Variants in NCAM2 observed in about 807,000 individuals in gnomAD.
NCAM2 encodes the protein N-CAM-2.
NCAM2 carries 30 observed loss-of-function variants against 98.1 expected under a neutral mutation model. That is an observed-to-expected ratio of 0.31 (90% CI 0.23 to 0.41). The LOEUF (loss-of-function observed/expected upper bound fraction) is 0.41, where lower values mean the gene tolerates loss of function less well. Ranked by LOEUF, NCAM2 falls within the 10% of genes least tolerant of loss-of-function variation. The probability of loss-of-function intolerance (pLI) is 1.00; values close to 1 mark genes in which losing one functional copy is unlikely to be tolerated. For synonymous variants in NCAM2, 368 were observed against 342.4 expected, an observed-to-expected ratio of 1.07 and a Z score of -0.83; for missense variants, 867 against 1,005.8, an observed-to-expected ratio of 0.86 and a Z score of 1.87.
chr21:21,046,660 A>G (rs1434855302), intron 1 of NCAM2, among the ~76,000 whole-genome samples: 2 of 152,174 alleles, frequency 1.3e-5, no homozygotes, highest in Non-Finnish European at 2.9e-5. Context: ...GCCAGCACCA[A>G]AAACTCCTGT....
chr21:21,114,201 C>A (rs1646352369), intron 1 of NCAM2, among the ~76,000 whole-genome samples: 1 of 152,132 alleles, frequency 6.6e-6, no homozygotes, highest in Non-Finnish European at 1.5e-5. Flanking sequence ...ATATATCACA[C>A]AAGTTTTAGC....
chr21:21,534,249 A>T (rs558665549), intron 16 of NCAM2, among the ~76,000 whole-genome samples: 1 of 152,190 alleles, frequency 6.6e-6, no homozygotes, highest in South Asian at 2.1e-4. Flanking sequence ...TTCAAAATAG[A>T]ATATATACAG....
chr21:21,436,641 A>G (rs1978366490), intron 12 of NCAM2, among the ~76,000 whole-genome samples: 1 of 152,156 alleles, frequency 6.6e-6, no homozygotes, highest in Middle Eastern at 3.2e-3. Context: ...GGTAGAGGGA[A>G]TACTGAAATT....
At chr21:21,231,501 G>A (rs933533379) in intron 1 of NCAM2, among the ~76,000 whole-genome samples, 2 of 151,310 alleles carry the variant, frequency 1.3e-5, no homozygotes, top group African/African-American at 4.8e-5. Context: ...TAGAATTAAT[G>A]CATATTATTA....
intron 1 of NCAM2, among the ~76,000 whole-genome samples, chr21:21,269,419 A>G (rs1478761963): frequency 2.6e-5 from 4 of 152,192 alleles, no homozygotes; most frequent in African/African-American, 9.6e-5. Context: ...GAGTCCATGC[A>G]TGGCTTTTGA....
At chr21:21,476,756 T>G (rs73216070) in intron 14 of NCAM2, among the ~76,000 whole-genome samples, 5,050 of 152,138 alleles carry the variant, frequency 0.033, 151 homozygotes, top group South Asian at 0.14. Flanking sequence ...GTAATTTTGT[T>G]TGTATATTAT....
At position 21,319,200 on chromosome 21, in the gene NCAM2, G is replaced by T. The variant is rs537452003; in HGVS notation, c.620-5183G>T. On this transcript the variant is annotated intron_variant, in intron 5 of 17. Coordinates refer to ENST00000400546, the MANE Select transcript of NCAM2 (RefSeq NM_004540.5). The stretch of plus-strand genomic sequence containing the variant: ...TTACACTGGTGTTTTCAACCAATTT[G>T]GATGGAAAATATTTTTTAAAATAGC... Among the ~76,000 whole-genome samples the T allele has an allele frequency of 7.9e-5, 12 of 152,082 alleles. No homozygotes were observed. The South Asian group carries it at 1.5e-3, about 18-fold the overall frequency.
At chr21:21,414,339 A>G (rs1172166088) in intron 10 of NCAM2, among the ~76,000 whole-genome samples, 2 of 152,176 alleles carry the variant, frequency 1.3e-5, no homozygotes, top group East Asian at 3.9e-4. Flanking sequence ...ATGAGCCACA[A>G]ATATTCTTAA....
At chr21:21,254,067 T>C (rs2071571348) in intron 1 of NCAM2, among the ~76,000 whole-genome samples, 1 of 152,156 alleles carries the variant, frequency 6.6e-6, no homozygotes, top group Admixed American at 6.5e-5. Context: ...GAAAATAAAG[T>C]ACCAAAACAA....
At chr21:21,395,690 G>A (rs112229061) in intron 9 of NCAM2, among the ~76,000 whole-genome samples, 110 of 152,170 alleles carry the variant, frequency 7.2e-4, no homozygotes, top group African/African-American at 2.6e-3. Context: ...ACAAAATAGA[G>A]AACTCAGAAA....
chr21:21,073,015 T>C (rs1446755745), intron 1 of NCAM2, among the ~76,000 whole-genome samples: 1 of 152,156 alleles, frequency 6.6e-6, no homozygotes, highest in Non-Finnish European at 1.5e-5. Context: ...TCCAGTGTAC[T>C]TTATGTCTCT....
At chr21:21,212,811 T>C (rs1407444461) in intron 1 of NCAM2, among the ~76,000 whole-genome samples, 2 of 151,582 alleles carry the variant, frequency 1.3e-5, no homozygotes, top group Non-Finnish European at 2.9e-5. Context: ...GGCATGATCT[T>C]GGCTCACTGC....
chr21:21,489,345 C>T (rs1986660272), intron 15 of NCAM2, among the ~76,000 whole-genome samples: 1 of 151,946 alleles, frequency 6.6e-6, no homozygotes, highest in African/African-American at 2.4e-5. Context: ...TTCTTACTTT[C>T]TTCTAATGCT....
intron 1 of NCAM2, among the ~76,000 whole-genome samples, chr21:21,123,848 C>CTTTTTTTTTGTTTTTTTT (rs2066728315): frequency 1.2e-5 from 1 of 86,656 alleles, no homozygotes; most frequent in Non-Finnish European, 2.0e-5. Flanking sequence ...TTCTTGATTG[C>CTTTTTTTTTGTTTTTTTT]TTTTTTTTTT....
intron 10 of NCAM2, among the ~76,000 whole-genome samples, chr21:21,417,394 G>A (rs1379072253): frequency 3.3e-5 from 5 of 152,000 alleles, no homozygotes; most frequent in Non-Finnish European, 1.5e-5. Context: ...ATGGACAGCT[G>A]ACTAGAAAAC....
At chr21:21,375,381 A>G (rs941428325) in intron 9 of NCAM2, among the ~76,000 whole-genome samples, 2 of 151,732 alleles carry the variant, frequency 1.3e-5, no homozygotes, top group Non-Finnish European at 2.9e-5. Context: ...CAACAATAAA[A>G]GGCAACTTGA....
intron 9 of NCAM2, among the ~76,000 whole-genome samples, chr21:21,384,476 T>A (rs1157950189): frequency 1.3e-5 from 2 of 151,858 alleles, no homozygotes; most frequent in Non-Finnish European, 2.9e-5. Flanking sequence ...AAATTTATTA[T>A]TTTTCACAAT....
rs570886699 is a variant in NCAM2 at position 21,440,694 on chromosome 21, AAAAGAAAAG to A, written c.1654+8417_1654+8425del. 3.8e-3 allele frequency among the ~76,000 whole-genome samples: 389 copies of A among 101,774 alleles called. 1 individual carries two copies. Among genetic ancestry groups the A allele is most frequent in the Non-Finnish European group, 6.4e-3 (282 of 43,878 alleles). The allele number at this position is 101,774 out of a possible 152,430, so 66.8% of individuals were successfully genotyped here. On this transcript the variant is annotated intron_variant, in intron 12 of 17. Transcript: ENST00000400546. ...AAATCCTACAACAGCAACAACAAAA[AAAAGAAAAG>A]AAAAGAAAAGAAAAAACAGAGAAGG...
intron 8 of NCAM2, among the ~76,000 whole-genome samples, chr21:21,352,636 A>G (rs2075372005): frequency 6.6e-6 from 1 of 151,760 alleles, no homozygotes; most frequent in South Asian, 2.1e-4. Flanking sequence ...TCAAGATATA[A>G]GACCTACCTG....
Sources: allele counts gnomAD v4.1 joint callset (sites outside exome capture counted in the v4.1 genomes callset), GRCh38; gene constraint gnomAD v4.1.1; transcripts MANE v1.5; gene names NCBI Gene and HGNC (gene_info 2026-07-23, HGNC 2026-07-21).